Variants in DENND1B observed in about 807,000 individuals in gnomAD.
DENND1B encodes DENN domain containing 1B, also known as DENN domain-containing protein 1B.
DENND1B carries 59 observed loss-of-function variants against 90.1 expected under a neutral mutation model. The observed-to-expected ratio is 0.65, with a 90% CI of 0.53 to 0.81. The LOEUF (loss-of-function observed/expected upper bound fraction) is 0.81. DENND1B is among the 40% of genes least tolerant of loss of function. DENND1B has a pLI of 0.00. For synonymous variants in DENND1B, 337 were observed against 324.6 expected, an observed-to-expected ratio of 1.04 and a Z score of -0.41; for missense variants, 862 against 912.6, an observed-to-expected ratio of 0.94 and a Z score of 0.71.
At chr1:197,554,870 G>T (rs1571859380) in intron 15 of DENND1B, among the ~76,000 whole-genome samples, 1 of 145,262 alleles carries the variant, frequency 6.9e-6, no homozygotes, top group Admixed American at 6.9e-5. Flanking sequence ...GTGGGGAAGA[G>T]AATTAACAGC....
chr1:197,566,976 T>C (rs1402638195), intron 15 of DENND1B, among the ~76,000 whole-genome samples: 1 of 151,938 alleles, frequency 6.6e-6, no homozygotes, highest in African/African-American at 2.4e-5. Flanking sequence ...TAAAGACTAA[T>C]GACAGTAAAT....
Position 197,645,719 on chromosome 1 carries a change from C to T in DENND1B, c.532G>A (p.Val178Ile), listed in dbSNP as rs762178688. Residue 178 changes from valine (V) to isoleucine (I), a missense_variant, in exon 9 of 23, where the codon GTA becomes ATA. Physicochemically the swap from Val to Ile is conservative, Grantham distance 29 (BLOSUM62 3). Transcript: ENST00000620048. ...VPHSYFIAPD[V>I]TGLPTIPESR... ...TCGGGTATTGTTGGGAGTCCAGTTA[C>T]ATCAGGGGCAATGAAGTAGGAATGC... 2.5e-6 allele frequency: 4 copies of T among 1,572,992 alleles called. No homozygotes were observed. The highest frequency in any genetic ancestry group is 1.4e-5 in the African/African-American group (1 of 73,660).
chr1:197,626,614 G>C (rs1678758656), intron 10 of DENND1B, among the ~76,000 whole-genome samples: 1 of 151,962 alleles, frequency 6.6e-6, no homozygotes, highest in Admixed American at 6.6e-5. Flanking sequence ...ACAATTAAAA[G>C]AACTAGAAGA....
chr1:197,744,106 T>C (rs1177067773), intron 2 of DENND1B, among the ~76,000 whole-genome samples: 4 of 152,240 alleles, frequency 2.6e-5, no homozygotes, highest in Admixed American at 1.3e-4. Flanking sequence ...ACTGAAGTCT[T>C]AAATCCCTCC....
At chr1:197,535,534 T>C (rs1458931479) in intron 20 of DENND1B, among the ~76,000 whole-genome samples, 1 of 152,140 alleles carries the variant, frequency 6.6e-6, no homozygotes, top group East Asian at 1.9e-4. Flanking sequence ...TCATTAAAAG[T>C]TTATGAATTA....
intron 3 of DENND1B, among the ~76,000 whole-genome samples, chr1:197,714,506 G>T (rs1357774959): frequency 6.6e-6 from 1 of 151,994 alleles, no homozygotes; most frequent in Non-Finnish European, 1.5e-5. Flanking sequence ...TCATCCAGTA[G>T]TCTTGCATGC....
At chr1:197,641,480 C>CATTTATT (rs1680264209) in intron 10 of DENND1B, among the ~76,000 whole-genome samples, 3 of 152,124 alleles carry the variant, frequency 2.0e-5, no homozygotes, top group Admixed American at 1.3e-4. Context: ...ATTACTGCAT[C>CATTTATT]ATTTATCCAC....
At chr1:197,519,428 T>TATTC (rs1171378203) in intron 20 of DENND1B, among the ~76,000 whole-genome samples, 1 of 151,928 alleles carries the variant, frequency 6.6e-6, no homozygotes, top group African/African-American at 2.4e-5. Context: ...AAGGGTATTA[T>TATTC]ATTCATTCAT....
intron 2 of DENND1B, among the ~76,000 whole-genome samples, chr1:197,762,202 A>C (rs1655142418): frequency 6.6e-6 from 1 of 152,210 alleles, no homozygotes; most frequent in South Asian, 2.1e-4. Flanking sequence ...AAATCAGGAC[A>C]ATAAAGACCT....
intron 15 of DENND1B, among the ~76,000 whole-genome samples, chr1:197,575,163 T>C (rs941591150): frequency 1.5e-4 from 23 of 151,576 alleles, no homozygotes; most frequent in African/African-American, 5.6e-4. Context: ...ACCTACAGAA[T>C]GGGAAAAATT....
chr1:197,590,293 G>A (rs988868467), intron 14 of DENND1B, among the ~76,000 whole-genome samples: 2 of 152,038 alleles, frequency 1.3e-5, no homozygotes, highest in Non-Finnish European at 2.9e-5. Flanking sequence ...TTTGCCCCAA[G>A]TCATACAACT....
chr1:197,773,911 T>C (rs962223855), intron 1 of DENND1B, among the ~76,000 whole-genome samples: 2 of 152,220 alleles, frequency 1.3e-5, no homozygotes, highest in African/African-American at 4.8e-5. Context: ...GTATTTAATA[T>C]GTACTTCCTT....
At chr1:197,659,563 A>G (rs1365480569) in intron 5 of DENND1B, among the ~76,000 whole-genome samples, 2 of 151,956 alleles carry the variant, frequency 1.3e-5, no homozygotes, top group African/African-American at 4.8e-5. Context: ...TCTGGAAATA[A>G]CTCCAAAATG....
intron 2 of DENND1B, among the ~76,000 whole-genome samples, chr1:197,764,204 C>T (rs542671385): frequency 6.6e-6 from 1 of 152,154 alleles, no homozygotes. Context: ...AGTCTGTGTG[C>T]TTTGGGCAAG....
intron 2 of DENND1B, among the ~76,000 whole-genome samples, chr1:197,752,786 C>T (rs185922477): frequency 9.4e-4 from 143 of 152,038 alleles, no homozygotes; most frequent in Non-Finnish European, 3.7e-4. Context: ...ATCCTTCCCC[C>T]TCCCCGACCC....
At chr1:197,744,554 C>T (rs1400556220) in intron 2 of DENND1B, among the ~76,000 whole-genome samples, 1 of 152,146 alleles carries the variant, frequency 6.6e-6, no homozygotes, top group Non-Finnish European at 1.5e-5. Flanking sequence ...TTCGATAAGC[C>T]ATGCTACAAA....
intron 3 of DENND1B, chr1:197,685,782 T>C (rs780002313): frequency 3.3e-5 from 5 of 152,142 alleles, no homozygotes; most frequent in African/African-American, 7.2e-5. Flanking sequence ...TTTTTTTTAA[T>C]TGAGTGTTTC....
chr1:197,544,792 A>AGAAGAG lies in DENND1B; in HGVS notation c.1350+1129_1350+1130insCTCTTC, dbSNP rs1670604152. Among the ~76,000 whole-genome samples the AGAAGAG allele has an allele frequency of 2.1e-5, 3 of 144,102 alleles. No individual in the cohort carries two copies. The Admixed American group carries it at 2.1e-4, about 10-fold the overall frequency. 94.5% of individuals were successfully genotyped at this position (144,102 alleles called of 152,430 possible). A position where few individuals can be genotyped will look rare whatever the true frequency, so the allele number is the denominator to read the frequency against. On this transcript the variant is annotated intron_variant, in intron 18 of 22. Transcript: ENST00000620048. The stretch of plus-strand genomic sequence containing the variant: ...AGGACGAGGAGGAGGAAGAAGAAGA[A>AGAAGAG]GAGGAGGAAGAAGAAGAAGAGGAAG...
At chr1:197,686,605 G>C (rs903783291) in intron 3 of DENND1B, among the ~76,000 whole-genome samples, 21 of 152,066 alleles carry the variant, frequency 1.4e-4, no homozygotes, top group Middle Eastern at 3.2e-3. Context: ...ACTAAGAAAT[G>C]TACTATGTAT....
Sources: allele counts gnomAD v4.1 joint callset (sites outside exome capture counted in the v4.1 genomes callset), GRCh38; gene constraint gnomAD v4.1.1; transcripts MANE v1.5; gene names NCBI Gene and HGNC (gene_info 2026-07-23, HGNC 2026-07-21).